NCOA6: variants seen among roughly 807,000 people sequenced by gnomAD.
NCOA6 encodes nuclear receptor coactivator 6.
Under a neutral mutation model 171.4 loss-of-function variants are expected in NCOA6, and 49 were observed. The observed-to-expected ratio is 0.29, with a 90% CI of 0.23 to 0.36. NCOA6 has a LOEUF of 0.36. Ranked by LOEUF, NCOA6 falls within the 10% of genes least tolerant of loss-of-function variation. NCOA6 has a pLI of 1.00. For synonymous variants in NCOA6, 910 were observed against 927.5 expected, an observed-to-expected ratio of 0.98 and a Z score of 0.34; for missense variants, 2,248 against 2,554.5, an observed-to-expected ratio of 0.88 and a Z score of 2.59.
intron 10 of NCOA6, among the ~76,000 whole-genome samples, chr20:34,745,933 G>A (rs1042978009): frequency 2.6e-5 from 4 of 152,046 alleles, no homozygotes; most frequent in Admixed American, 6.6e-5. Context: ...AATCAGAGAG[G>A]ATACAACAAA....
intron 4 of NCOA6, among the ~76,000 whole-genome samples, chr20:34,775,209 G>C (rs1233054153): frequency 6.6e-6 from 1 of 152,142 alleles, no homozygotes; most frequent in Non-Finnish European, 1.5e-5. Flanking sequence ...ACCATGCAAA[G>C]CCTGAGGTCA....
At chr20:34,772,867 T>A (rs1345697626) in intron 4 of NCOA6, among the ~76,000 whole-genome samples, 2 of 152,206 alleles carry the variant, frequency 1.3e-5, no homozygotes, top group Non-Finnish European at 2.9e-5. Flanking sequence ...CTTTTTCTTG[T>A]TGATAATTAT....
Position 34,760,080 on chromosome 20 carries a change from C to T in NCOA6, c.515-1147G>A, listed in dbSNP as rs1406049034. On this transcript the variant is annotated intron_variant, in intron 5 of 14. Transcript: ENST00000359003. ...ACTGCTTGAGGCCAGGAGTTTGAGA[C>T]CAGCCTGGGCAACATAGAAAGACCC... 2.6e-5 allele frequency among the ~76,000 whole-genome samples: 4 copies of T among 152,054 alleles called. No homozygotes were observed. In the East Asian group the frequency reaches 7.7e-4, roughly 29 times the overall value.
At chr20:34,817,585 G>A (rs2078884647) in intron 1 of NCOA6, among the ~76,000 whole-genome samples, 1 of 152,148 alleles carries the variant, frequency 6.6e-6, no homozygotes, top group African/African-American at 2.4e-5. Context: ...AACTCAGAAT[G>A]TTTATTGAGC....
In NCOA6 at chr20:34,741,939, A is replaced by G. The variant is rs2076156965; in HGVS notation, c.4317T>C (p.Ile1439=). Residue 1439 remains isoleucine, a synonymous_variant, in exon 11 of 15, where the codon ATT becomes ATC. Coordinates refer to ENST00000359003, the MANE Select transcript of NCOA6 (RefSeq NM_014071.5). ...NSQSRKEQVN[I]ELKAVPAQEV... ...CTTGGGCAGGGACTGCTTTTAGTTCAATGTTTACCTGTTCCTTCCTACTCT... is the reference window on the plus strand; with the variant it reads ...CTTGGGCAGGGACTGCTTTTAGTTCGATGTTTACCTGTTCCTTCCTACTCT... 3 of 1,614,030 alleles carry G rather than the reference A, an allele frequency of 1.9e-6. No homozygotes were observed. In the Admixed American group the frequency reaches 5.0e-5, roughly 27 times the overall value.
intron 2 of NCOA6, among the ~76,000 whole-genome samples, chr20:34,788,548 C>T (rs1216118381): frequency 6.6e-6 from 1 of 152,114 alleles, no homozygotes; most frequent in Admixed American, 6.6e-5. Context: ...GCTGCTCCTG[C>T]CCCATCCCTG....
At chr20:34,745,702 C>T (rs1245752339) in intron 10 of NCOA6, among the ~76,000 whole-genome samples, 1 of 152,138 alleles carries the variant, frequency 6.6e-6, no homozygotes, top group Non-Finnish European at 1.5e-5. Context: ...ACCCTCTGTA[C>T]ACACAGGGGA....
In NCOA6 at chr20:34,758,801, T is replaced by C; in HGVS notation, c.643+4A>G. The C allele has an allele frequency of 5.0e-6, 8 of 1,612,374 alleles. No individual in the cohort carries two copies. Among genetic ancestry groups the C allele is most frequent in the Non-Finnish European group, 6.8e-6 (8 of 1,179,492 alleles). On this transcript the variant is annotated splice_donor_region_variant and intron_variant, in intron 6 of 14. Transcript: ENST00000359003. ...CTTCATCCTCAAAGATTGGAAGTCA[T>C]TACCTGACTGAGAAGCAGGGCGAGG...
At chr20:34,796,395 A>G (rs1416923609) in intron 1 of NCOA6, among the ~76,000 whole-genome samples, 1 of 151,980 alleles carries the variant, frequency 6.6e-6, no homozygotes, top group African/African-American at 2.4e-5. Context: ...TGAGGAGGGC[A>G]GATTGCTTGA....
intron 2 of NCOA6, among the ~76,000 whole-genome samples, chr20:34,786,080 T>C (rs1399977755): frequency 1.3e-5 from 2 of 152,208 alleles, no homozygotes; most frequent in Non-Finnish European, 2.9e-5. Flanking sequence ...TGAGAGTGTA[T>C]GTGTCCAGGA....
In NCOA6 at chr20:34,749,778, G is replaced by A. The variant is rs893242595; in HGVS notation, c.2417C>T (p.Thr806Ile). The A allele has an allele frequency of 6.2e-7, 1 of 1,614,106 alleles. No individual in the cohort carries two copies. Among genetic ancestry groups the A allele is most frequent in the Admixed American group, 1.7e-5 (1 of 60,004 alleles). The change falls in exon 9 of 15, where the codon ACT becomes ATT. Residue 806 changes from threonine (T) to isoleucine (I), a missense_variant. Coordinates refer to ENST00000359003, the MANE Select transcript of NCOA6 (RefSeq NM_014071.5). ...TAAACTGACATCGTTATTTGCTGTA[G>A]TAGCAGGATCACCATGCTGCTGGGC... Reference protein sequence around the residue: ...HMAQQHGDPATTANNDVSLSQ... With the variant: ...HMAQQHGDPAITANNDVSLSQ...
intron 14 of NCOA6, among the ~76,000 whole-genome samples, chr20:34,717,943 G>A (rs1988804997): frequency 6.6e-6 from 1 of 152,168 alleles, no homozygotes; most frequent in Non-Finnish European, 1.5e-5. Context: ...GAAAAGAAGT[G>A]GGTAGTGGGG....
In NCOA6 at chr20:34,732,324, G is replaced by A. The variant is rs537937720; in HGVS notation, c.5999+235C>T. ...TATGCAGAACATGTTATCTCACTCA[G>A]CTTTGAAAACAACCATAAAAGGTAG... On this transcript the variant is annotated intron_variant, in intron 13 of 14. Transcript: ENST00000359003. Among the ~76,000 whole-genome samples the A allele has an allele frequency of 9.3e-4, 142 of 152,192 alleles. No homozygotes were observed. The Middle Eastern group carries it at 0.014, about 15-fold the overall frequency.
intron 12 of NCOA6, among the ~76,000 whole-genome samples, chr20:34,734,105 ACT>A (rs2075872071): frequency 1.3e-5 from 2 of 152,124 alleles, no homozygotes; most frequent in South Asian, 2.1e-4. Flanking sequence ...ACAGGGTCTC[ACT>A]CTGTCCCCCA....
rs1376632844 is a variant in NCOA6 at position 34,742,234 on chromosome 20, G to A, written c.4022C>T (p.Thr1341Ile). 1 of 1,614,230 alleles carries A rather than the reference G, an allele frequency of 6.2e-7. No homozygotes were observed. Among genetic ancestry groups the A allele is most frequent in the Non-Finnish European group, 8.5e-7 (1 of 1,180,050 alleles). The part of the protein sequence containing the change: ...RSSPGSSRKT[T>I]PSPGRQNSKA... ...TGAATTTTGCCTCCCAGGGCTTGGA[G>A]TGGTTTTCCTACTGGACCCAGGACT... The change falls in exon 11 of 15, where the codon ACT becomes ATT. Residue 1341 changes from threonine to isoleucine, a missense_variant. Around this residue, in one of 7 missense-constraint regions of NCOA6, gnomAD observed 884 missense variants for 941.9 expected, o/e 0.94. Transcript: ENST00000359003.
intron 5 of NCOA6, among the ~76,000 whole-genome samples, chr20:34,767,300 TTTTTG>T (rs2077007965): frequency 6.6e-6 from 1 of 152,246 alleles, no homozygotes; most frequent in Non-Finnish European, 1.5e-5. Flanking sequence ...AATAGCATTT[TTTTTG>T]TTTTGTTTTG....
intron 5 of NCOA6, among the ~76,000 whole-genome samples, chr20:34,766,542 A>G (rs1473320083): frequency 6.6e-6 from 1 of 152,156 alleles, no homozygotes; most frequent in Non-Finnish European, 1.5e-5. Flanking sequence ...CAGGAGGAAC[A>G]CTTGACCCTG....
At chr20:34,815,840 C>G (rs2078818654) in intron 1 of NCOA6, among the ~76,000 whole-genome samples, 1 of 152,186 alleles carries the variant, frequency 6.6e-6, no homozygotes, top group Admixed American at 6.5e-5. Context: ...CATTGACCAT[C>G]TGTTTTTCTA....
At chr20:34,716,330 G>T (rs568696656) in intron 14 of NCOA6, among the ~76,000 whole-genome samples, 2 of 152,304 alleles carry the variant, frequency 1.3e-5, no homozygotes, top group East Asian at 3.9e-4. Context: ...GAGGAGGTGG[G>T]AACTGAGTGA....
Sources: gnomAD v4.1 joint callset for allele counts (sites outside exome capture counted in the v4.1 genomes callset) on GRCh38, gnomAD v4.1.1 for gene constraint, gnomAD v4.1.1 regional missense constraint, MANE v1.5 for transcripts, NCBI Gene and HGNC (gene_info 2026-07-23, HGNC 2026-07-21) for gene names.